SLC35E2B: variants seen among roughly 807,000 people sequenced by gnomAD.
The protein encoded by SLC35E2B is solute carrier family 35, member E2B.
In SLC35E2B, 18 loss-of-function variants were observed where a neutral mutation model predicts 32.4. The ratio of observed to expected loss-of-function variants is 0.56; its 90% confidence interval spans 0.38 to 0.82. The LOEUF (loss-of-function observed/expected upper bound fraction) is 0.82. Among genes scored for constraint, SLC35E2B ranks in the 40% least tolerant of loss-of-function variants. SLC35E2B has a pLI of 0.00. For missense variants in SLC35E2B, 263 were observed against 469.5 expected (o/e 0.56, Z 4.06); for synonymous variants, 132 against 209.1 (o/e 0.63, Z 3.18).
In SLC35E2B at chr1:1,670,226, C is replaced by T. The variant is rs972228810; in HGVS notation, c.708-75G>A. On this transcript the variant is annotated intron_variant, in intron 6 of 9. Transcript: ENST00000617444. ...ACATCAGGGGGAGAAGGTGTCTGCG[C>T]TCACACGGAGCGATGGCGACAATGA... is the stretch of plus-strand genomic sequence containing the variant. 4.1e-5 allele frequency: 46 copies of T among 1,112,988 alleles called. 2 individuals carry two copies. The highest frequency in any genetic ancestry group is 6.0e-5 in the Admixed American group (3 of 49,736). 68.9% of individuals were successfully genotyped at this position (1,112,988 alleles called of 1,614,324 possible).
intron 2 of SLC35E2B, among the ~76,000 whole-genome samples, chr1:1,679,555 C>A (rs761444851): frequency 1.3e-5 from 2 of 152,000 alleles, no homozygotes; most frequent in African/African-American, 4.8e-5. Context: ...GGCCAGGCGC[C>A]GTGGCTCACA....
rs1643469109 is a variant in SLC35E2B at position 1,663,795 on chromosome 1, A to C, written c.*1987T>G. 1 of 900,116 alleles carries C rather than the reference A, an allele frequency of 1.1e-6. No homozygotes were observed. Among genetic ancestry groups the C allele is most frequent in the Non-Finnish European group, 1.3e-6 (1 of 751,780 alleles). 55.8% of individuals were successfully genotyped at this position (900,116 alleles called of 1,614,324 possible). ...TCTATTAGTTTTTGAGGAAAGCAGAAAAAAAGAAATGGAAATCCGGGGAAA... is the reference window on the plus strand; with the variant it reads ...TCTATTAGTTTTTGAGGAAAGCAGACAAAAAGAAATGGAAATCCGGGGAAA... On this transcript the variant is annotated 3_prime_UTR_variant, in exon 10 of 10. Transcript: ENST00000617444.
Position 1,663,360 on chromosome 1 carries a change from A to G in SLC35E2B, c.*2422T>C. ...CTCCTTATGCCAGACCACAATCTTC[A>G]AAGAGGCCGGCAGCCACATTCTCGA... On this transcript the variant is annotated 3_prime_UTR_variant, in exon 10 of 10. Coordinates refer to ENST00000617444, the MANE Select transcript of SLC35E2B (RefSeq NM_001290264.2). 1 of 964,228 alleles carries G rather than the reference A, an allele frequency of 1.0e-6. No individual in the cohort carries two copies. The highest frequency in any genetic ancestry group is 4.8e-5 in the South Asian group (1 of 21,000). The allele number at this position is 964,228 out of a possible 1,614,324, so 59.7% of individuals were successfully genotyped here. A position where few individuals can be genotyped will look rare whatever the true frequency, so the allele number is the denominator to read the frequency against.
chr1:1,678,992 T>C (rs1200115244), intron 2 of SLC35E2B, among the ~76,000 whole-genome samples: 1 of 151,972 alleles, frequency 6.6e-6, no homozygotes, highest in Non-Finnish European at 1.5e-5. Flanking sequence ...AAGGCAGGGG[T>C]GGAGCTCATG....
intron 2 of SLC35E2B, among the ~76,000 whole-genome samples, chr1:1,683,029 A>G (rs776805010): frequency 1.3e-5 from 2 of 152,112 alleles, no homozygotes; most frequent in Non-Finnish European, 2.9e-5. Context: ...GTGAGCCGAC[A>G]TCGAGACATT....
chr1:1,669,520 G>A, intron 8 of SLC35E2B, 144 bp downstream of exon 8: 1 of 680,856 alleles, frequency 1.5e-6, no homozygotes, highest in African/African-American at 1.8e-5. Context: ...GTGGCTCCCA[G>A]GGCAACTCAG....
In SLC35E2B at chr1:1,675,514, C is replaced by T. The variant is rs761379092; in HGVS notation, c.535G>A (p.Ala179Thr). The T allele has an allele frequency of 9.0e-6, 14 of 1,563,898 alleles. No homozygotes were observed. Among genetic ancestry groups the T allele is most frequent in the Admixed American group, 3.8e-5 (2 of 52,458 alleles). Reference sequence around the variant, plus strand: ...GACATGATCACCGTGAAGATGGGGGCGGAGCTCTTCACCGTCTCAGCAAAC... The same window carrying T: ...GACATGATCACCGTGAAGATGGGGGTGGAGCTCTTCACCGTCTCAGCAAAC... ...VSFAETVKSS[A>T]PIFTVIMSRM... is the part of the protein sequence containing the mutation. The change falls in exon 5 of 10, where the codon GCC (alanine) becomes ACC (threonine). Residue 179 changes from alanine to threonine, a missense_variant. By Grantham distance (58) the Ala-to-Thr change is moderately conservative (BLOSUM62 0). Coordinates refer to ENST00000617444, the MANE Select transcript of SLC35E2B (RefSeq NM_001290264.2).
intron 2 of SLC35E2B, among the ~76,000 whole-genome samples, chr1:1,684,296 T>G (rs976677929): frequency 1.3e-5 from 2 of 152,150 alleles, no homozygotes; most frequent in Admixed American, 1.3e-4. Flanking sequence ...GCTGAGCCGC[T>G]CGTGAAATTC....
intron 2 of SLC35E2B, among the ~76,000 whole-genome samples, chr1:1,682,517 C>T (rs1643908775): frequency 6.6e-6 from 1 of 152,084 alleles, no homozygotes; most frequent in South Asian, 2.1e-4. Context: ...GACTGAGGGA[C>T]GAATCACAGA....
chr1:1,678,505 T>A (rs1490859307), intron 2 of SLC35E2B, among the ~76,000 whole-genome samples: 1 of 151,952 alleles, frequency 6.6e-6, no homozygotes, highest in Non-Finnish European at 1.5e-5. Flanking sequence ...CGTCTGCCCA[T>A]CACACCGCCA....
chr1:1,684,563 G>A (rs950091233), intron 2 of SLC35E2B, among the ~76,000 whole-genome samples: 1 of 152,036 alleles, frequency 6.6e-6, no homozygotes, highest in South Asian at 2.1e-4. Flanking sequence ...AGGCCGAGGC[G>A]GGTGGATCAC....
rs1407678193 is a variant in SLC35E2B, at chr1:1,676,803, C to G, written c.-104G>C. 6.8e-7 allele frequency: 1 copy of G among 1,480,610 alleles called. No homozygotes were observed. Among genetic ancestry groups the G allele is most frequent in the Admixed American group, 2.4e-5 (1 of 40,900 alleles). The allele number at this position is 1,480,610 out of a possible 1,614,324, so 91.7% of individuals were successfully genotyped here. A position where few individuals can be genotyped will look rare whatever the true frequency, so the allele number is the denominator to read the frequency against. On this transcript the variant is annotated 5_prime_UTR_variant, in exon 3 of 10. Coordinates refer to ENST00000617444, the MANE Select transcript of SLC35E2B (RefSeq NM_001290264.2). ...CAGCAGGGACTCCGGGCGCCAGGAA[C>G]GAGGCCACCAGGGCCTCTCCCAGGC...
rs1158210699 is a variant in SLC35E2B, at chr1:1,670,083, A to G, written c.761+15T>C. ...GTCTTATGACTTGGAGATTTCACTG[A>G]CGAATAATACTTACGAGAACCTGTA... On this transcript the variant is annotated intron_variant, in intron 7 of 9. Transcript: ENST00000617444. 2.6e-6 allele frequency: 4 copies of G among 1,548,522 alleles called. No homozygotes were observed. The highest frequency in any genetic ancestry group is 3.5e-6 in the Non-Finnish European group (4 of 1,143,778).
intron 7 of SLC35E2B, 47 bp downstream of exon 7, chr1:1,670,051 C>T (rs754649609): frequency 6.8e-7 from 1 of 1,472,460 alleles, no homozygotes; most frequent in South Asian, 1.2e-5. Flanking sequence ...AGCAGGAAGT[C>T]CTCTTCGTCT....
At chr1:1,668,108 C>G (rs12725286) in intron 9 of SLC35E2B, among the ~76,000 whole-genome samples, 1 of 151,498 alleles carries the variant, frequency 6.6e-6, no homozygotes, top group Non-Finnish European at 1.5e-5. Context: ...TTGCCTTGTC[C>G]TCTCAAGTGC....
At chr1:1,672,448 G>C (rs905412904) in intron 5 of SLC35E2B, 1 of 152,226 alleles carries the variant, frequency 6.6e-6, no homozygotes, top group African/African-American at 2.4e-5. Context: ...TCTGTGCGGG[G>C]AGGCTCCAGC....
At chr1:1,680,512 A>G (rs1453976344) in intron 2 of SLC35E2B, among the ~76,000 whole-genome samples, 1 of 152,088 alleles carries the variant, frequency 6.6e-6, no homozygotes, top group African/African-American at 2.4e-5. Context: ...CAGGAGTGGA[A>G]CTGCCCAGCC....
At chr1:1,666,096 C>T (rs917012115) in intron 9 of SLC35E2B, 77 bp from the exon 10 acceptor site, 2 of 1,475,462 alleles carry the variant, frequency 1.4e-6, no homozygotes, top group South Asian at 2.7e-5. Flanking sequence ...CTCGGCTGAG[C>T]CTGGGTCTGG....
At position 1,663,798 on chromosome 1, in the gene SLC35E2B, A is replaced by C; in HGVS notation, c.*1984T>G. ...ATTAGTTTTTGAGGAAAGCAGAAAAAAAGAAATGGAAATCCGGGGAAAGTC... is the reference window on the plus strand; with the variant it reads ...ATTAGTTTTTGAGGAAAGCAGAAAACAAGAAATGGAAATCCGGGGAAAGTC... On this transcript the variant is annotated 3_prime_UTR_variant, in exon 10 of 10. Transcript: ENST00000617444. 1.1e-6 allele frequency: 1 copy of C among 903,528 alleles called. No individual in the cohort carries two copies. The allele number at this position is 903,528 out of a possible 1,614,324, so 56.0% of individuals were successfully genotyped here.
Sources: gnomAD v4.1 joint callset for allele counts (sites outside exome capture counted in the v4.1 genomes callset) on GRCh38, gnomAD v4.1.1 for gene constraint, MANE v1.5 for transcripts, NCBI Gene and HGNC (gene_info 2026-07-23, HGNC 2026-07-21) for gene names.